ME3: variants seen among roughly 807,000 people sequenced by gnomAD.
ME3 encodes malic enzyme 3, also known as NADP-dependent malic enzyme, mitochondrial.
A neutral mutation model predicts 68.9 loss-of-function variants in ME3; 48 were observed. That is an observed-to-expected ratio of 0.70 (90% confidence interval 0.55 to 0.89). The LOEUF is 0.89. Ranked by LOEUF, ME3 falls within the 40% of genes least tolerant of loss-of-function variation. ME3 has a pLI of 0.00. For missense variants in ME3, 675 were observed against 797.4 expected (o/e 0.85, Z 1.85); for synonymous variants, 320 against 318.8 (o/e 1.00, Z -0.04).
intron 2 of ME3, among the ~76,000 whole-genome samples, chr11:86,589,624 T>G (rs1958945605): frequency 6.6e-6 from 1 of 152,230 alleles, no homozygotes; most frequent in African/African-American, 2.4e-5. Context: ...TTTGTATGTT[T>G]TAATAAAAGA....
chr11:86,645,876 T>A (rs1419208190), intron 2 of ME3, among the ~76,000 whole-genome samples: 1 of 152,216 alleles, frequency 6.6e-6, no homozygotes, highest in African/African-American at 2.4e-5. Context: ...TCTTCACTGT[T>A]CTGCAGCATC....
chr11:86,619,324 T>C (rs935755886), intron 2 of ME3, among the ~76,000 whole-genome samples: 1 of 152,394 alleles, frequency 6.6e-6, no homozygotes, highest in Non-Finnish European at 1.5e-5. Flanking sequence ...TGAGAAATTA[T>C]AGAATACTGA....
intron 2 of ME3, among the ~76,000 whole-genome samples, chr11:86,590,250 T>A (rs563130928): frequency 2.6e-5 from 4 of 152,288 alleles, no homozygotes; most frequent in African/African-American, 9.6e-5. Context: ...ACCTATCTAC[T>A]CAGCATCTAC....
chr11:86,546,081 A>G lies in ME3; in HGVS notation c.467+10472T>C, dbSNP rs1274287526. Among the ~76,000 whole-genome samples the G allele has an allele frequency of 2.6e-5, 4 of 152,366 alleles. No individual in the cohort carries two copies. In the East Asian group the frequency reaches 7.7e-4, roughly 29 times the overall value. Reference sequence around the variant, plus strand: ...CAATGGGGAAAGGATTCCCTATTTAATAAATGGTGTTGGGAAAACTGGCTA... The same window carrying G: ...CAATGGGGAAAGGATTCCCTATTTAGTAAATGGTGTTGGGAAAACTGGCTA... On this transcript the variant is annotated intron_variant, in intron 4 of 14. Coordinates refer to ENST00000543262, the Ensembl canonical transcript of ME3.
At chr11:86,465,041 A>G in intron 8 of ME3, 50 bp downstream of exon 8, 1 of 1,448,448 alleles carries the variant, frequency 6.9e-7, no homozygotes, top group Non-Finnish European at 9.7e-7. Context: ...AGTGAGGTTG[A>G]GAATATAAGT....
chr11:86,600,956 T>C (rs1431075541), intron 2 of ME3, among the ~76,000 whole-genome samples: 1 of 150,696 alleles, frequency 6.6e-6, no homozygotes, highest in Non-Finnish European at 1.5e-5. Context: ...CAAAGCAGTG[T>C]GTAGAGGGAA....
intron 2 of ME3, among the ~76,000 whole-genome samples, chr11:86,591,311 C>G (rs535947239): frequency 5.9e-5 from 9 of 152,344 alleles, no homozygotes; most frequent in Non-Finnish European, 1.5e-5. Context: ...TCCCAAAATT[C>G]ATGAGATGAA....
chr11:86,569,034 A>G (rs938442110), intron 2 of ME3, among the ~76,000 whole-genome samples: 1 of 152,248 alleles, frequency 6.6e-6, no homozygotes, highest in Non-Finnish European at 1.5e-5. Flanking sequence ...GGATTAGATG[A>G]AATAATGCAG....
At chr11:86,597,323 G>A (rs141868164) in intron 2 of ME3, among the ~76,000 whole-genome samples, 28 of 152,328 alleles carry the variant, frequency 1.8e-4, no homozygotes, top group South Asian at 4.1e-4. Context: ...CAGTATCCCC[G>A]AGCAATGTGA....
chr11:86,593,359 CG>C lies in ME3; in HGVS notation c.184-33537del, dbSNP rs1401921370. Among the ~76,000 whole-genome samples the C allele has an allele frequency of 1.4e-5, 2 of 146,692 alleles. 1 individual carries two copies. Among genetic ancestry groups the C allele is most frequent in the East Asian group, 4.7e-4 (2 of 4,274 alleles). ...TCTCATGATGCTTTGAATACTTTCT[CG>C]AAAGGTGTCACATGCTGCAAGAATA... On this transcript the variant is annotated intron_variant, in intron 2 of 14. Transcript: ENST00000543262.
chr11:86,627,384 C>T (rs1030867136), intron 2 of ME3, among the ~76,000 whole-genome samples: 20 of 152,100 alleles, frequency 1.3e-4, no homozygotes, highest in African/African-American at 4.6e-4. Context: ...GCTGGATTTC[C>T]GACAAAATTG....
intron 2 of ME3, among the ~76,000 whole-genome samples, chr11:86,647,555 G>A (rs1594774629): frequency 2.6e-5 from 4 of 151,674 alleles, no homozygotes; most frequent in Middle Eastern, 3.4e-3. Flanking sequence ...AAGGGATGGA[G>A]GAAGATTTAC....
At chr11:86,509,821 C>T (rs1953386025) in intron 4 of ME3, among the ~76,000 whole-genome samples, 1 of 150,482 alleles carries the variant, frequency 6.6e-6, no homozygotes. Flanking sequence ...TAAGTTGTTG[C>T]TGATTAGGAG....
Position 86,442,927 on chromosome 11 carries a change from G to A in ME3, c.1555-8C>T, listed in dbSNP as rs1436671527. 6.2e-7 allele frequency: 1 copy of A among 1,602,094 alleles called. No homozygotes were observed. Among genetic ancestry groups the A allele is most frequent in the Non-Finnish European group, 8.5e-7 (1 of 1,169,822 alleles). ...GACTTCCTGGGCAATTTGCTGGGGA[G>A]AAGGAGAGAACCGAGAGGAATAAGC... On this transcript the variant is annotated splice_polypyrimidine_tract_variant and splice_region_variant and intron_variant, in intron 13 of 14. Transcript: ENST00000543262.
At chr11:86,590,713 A>G (rs1001647131) in intron 2 of ME3, among the ~76,000 whole-genome samples, 4 of 152,160 alleles carry the variant, frequency 2.6e-5, no homozygotes, top group African/African-American at 4.8e-5. Flanking sequence ...TTTGTTAATT[A>G]CGTTACTCTG....
In ME3 at chr11:86,527,414, G is replaced by A. The variant is rs192126894; in HGVS notation, c.468-18547C>T. 1.1e-4 allele frequency among the ~76,000 whole-genome samples: 16 copies of A among 152,318 alleles called. No individual in the cohort carries two copies. In the East Asian group the frequency reaches 1.7e-3, roughly 17 times the overall value. Reference sequence around the variant, plus strand: ...CTGGTGTACCTGAAAGTGACGGGGCGAATGGAACCAAGTTGGAAAATACTC... The same window carrying A: ...CTGGTGTACCTGAAAGTGACGGGGCAAATGGAACCAAGTTGGAAAATACTC... On this transcript the variant is annotated intron_variant, in intron 4 of 14. Coordinates refer to ENST00000543262, the Ensembl canonical transcript of ME3.
chr11:86,520,360 G>A (rs1019221337), intron 4 of ME3, among the ~76,000 whole-genome samples: 2 of 152,198 alleles, frequency 1.3e-5, no homozygotes, highest in African/African-American at 4.8e-5. Context: ...TTTGCGCCAG[G>A]CATTGTGCTG....
chr11:86,452,729 C>T (rs1196354467), intron 8 of ME3, among the ~76,000 whole-genome samples: 1 of 152,170 alleles, frequency 6.6e-6, no homozygotes, highest in East Asian at 1.9e-4. Context: ...ATTTCTTCTC[C>T]CTTCTCCTCC....
At chr11:86,440,297 C>T (rs1319253542), downstream of ME3, among the ~76,000 whole-genome samples, 2 of 152,190 alleles carry the variant, frequency 1.3e-5, no homozygotes, top group Non-Finnish European at 2.9e-5. Context: ...TCTCCTGCCC[C>T]CACCCCTATG....
Sources: allele counts gnomAD v4.1 joint callset (sites outside exome capture counted in the v4.1 genomes callset), GRCh38; gene constraint gnomAD v4.1.1; transcripts MANE v1.5; gene names NCBI Gene and HGNC (gene_info 2026-07-23, HGNC 2026-07-21).